Variants in ARB2A observed in about 807,000 individuals in gnomAD.
ARB2A encodes the protein cotranscriptional regulator ARB2A.
the ARB2A span, among the ~76,000 whole-genome samples, chr5:93,981,897 T>C: frequency 6.6e-6 from 1 of 152,040 alleles, no homozygotes; most frequent in Non-Finnish European, 1.5e-5. Flanking sequence ...AAAGAAGCAC[T>C]GAAAAAAATA....
At chr5:93,768,148 G>A in the ARB2A span, among the ~76,000 whole-genome samples, 1 of 151,776 alleles carries the variant, frequency 6.6e-6, no homozygotes, top group Non-Finnish European at 1.5e-5. Context: ...GCTAAGGTAT[G>A]AGGACGTAAT....
the ARB2A span, among the ~76,000 whole-genome samples, chr5:93,671,264 G>A: frequency 6.6e-6 from 1 of 152,000 alleles, no homozygotes; most frequent in Non-Finnish European, 1.5e-5. Context: ...TGTCAATAAT[G>A]ATTTTACCAT....
chr5:93,781,942 G>A, the ARB2A span: 1 of 984,896 alleles, frequency 1.0e-6, no homozygotes. Context: ...ATTTCAAGGA[G>A]TCTTGCAGAG....
At chr5:93,739,146 A>T in the ARB2A span, 1 of 152,174 alleles carries the variant, frequency 6.6e-6, no homozygotes, top group Non-Finnish European at 1.5e-5. Context: ...GATTACAGGC[A>T]TGAGCCACCA....
the ARB2A span, among the ~76,000 whole-genome samples, chr5:93,980,148 T>C: frequency 6.6e-6 from 1 of 152,202 alleles, no homozygotes; most frequent in African/African-American, 2.4e-5. Flanking sequence ...TTTCTTCTTA[T>C]TAATTCAGTT....
At chr5:93,859,827 G>A in the ARB2A span, among the ~76,000 whole-genome samples, 1 of 152,192 alleles carries the variant, frequency 6.6e-6, no homozygotes, top group Admixed American at 6.5e-5. Context: ...TTTGAGAAGG[G>A]TGTGAAACAA....
the ARB2A span, among the ~76,000 whole-genome samples, chr5:93,801,679 C>G: frequency 6.6e-6 from 1 of 152,106 alleles, no homozygotes; most frequent in East Asian, 1.9e-4. Context: ...TGCACACACA[C>G]TGTACACAGA....
chr5:93,972,643 T>C, the ARB2A span, among the ~76,000 whole-genome samples: 2 of 152,132 alleles, frequency 1.3e-5, no homozygotes, highest in African/African-American at 4.8e-5. Context: ...ATTCAGAATA[T>C]GGGTGGCAAA....
At chr5:94,013,351 T>A in the ARB2A span, among the ~76,000 whole-genome samples, 5 of 152,096 alleles carry the variant, frequency 3.3e-5, no homozygotes, top group East Asian at 9.7e-4. Context: ...CTAATTTTTG[T>A]AATTTTAGTA....
the ARB2A span, among the ~76,000 whole-genome samples, chr5:93,993,310 A>C: frequency 1.3e-5 from 2 of 152,066 alleles, no homozygotes; most frequent in African/African-American, 4.8e-5. Context: ...TCCCTATCTC[A>C]GCATGTTTCC....
the ARB2A span, among the ~76,000 whole-genome samples, chr5:93,781,605 T>A: frequency 1.3e-5 from 2 of 152,006 alleles, no homozygotes; most frequent in African/African-American, 4.8e-5. Context: ...CTTTGAGAAA[T>A]CTCCATACTG....
At chr5:93,930,376 A>AGTAAGAGTTGCACTCTCGTGT in the ARB2A span, among the ~76,000 whole-genome samples, 4 of 152,238 alleles carry the variant, frequency 2.6e-5, no homozygotes, top group Admixed American at 2.0e-4. Context: ...CTTATCCAGC[A>AGTAAGAGTTGCACTCTCGTGT]GTAAGAGTTG....
the ARB2A span, among the ~76,000 whole-genome samples, chr5:93,670,854 A>T: frequency 6.6e-6 from 1 of 152,228 alleles, no homozygotes; most frequent in Non-Finnish European, 1.5e-5. Flanking sequence ...ACAATGCTGA[A>T]ATGTTCCAAA....
At chr5:93,936,336 A>C in the ARB2A span, among the ~76,000 whole-genome samples, 1 of 152,180 alleles carries the variant, frequency 6.6e-6, no homozygotes, top group Non-Finnish European at 1.5e-5. Flanking sequence ...AGATTATGGA[A>C]GTCTATGCAG....
At chr5:93,646,887 C>G in the ARB2A span, among the ~76,000 whole-genome samples, 1 of 151,974 alleles carries the variant, frequency 6.6e-6, no homozygotes, top group African/African-American at 2.4e-5. Context: ...ATAATAGTTA[C>G]CACTTGAACA....
At chr5:94,054,971 T>C in the ARB2A span, among the ~76,000 whole-genome samples, 1 of 152,184 alleles carries the variant, frequency 6.6e-6, no homozygotes, top group African/African-American at 2.4e-5. Flanking sequence ...TTGCTTTTCA[T>C]GCACTTCCTT....
chr5:93,740,723 C>T, the ARB2A span: 2 of 1,613,210 alleles, frequency 1.2e-6, no homozygotes, highest in Middle Eastern at 1.7e-4. Context: ...GGAGGCCCGG[C>T]TGTCCCCACA....
At chr5:93,893,622 G>A in the ARB2A span, among the ~76,000 whole-genome samples, 1 of 152,234 alleles carries the variant, frequency 6.6e-6, no homozygotes, top group South Asian at 2.1e-4. Context: ...TGTAGTAAGT[G>A]ATTATAATAA....
chr5:93,725,157 C>T, the ARB2A span, among the ~76,000 whole-genome samples: 2 of 151,882 alleles, frequency 1.3e-5, no homozygotes, highest in Non-Finnish European at 2.9e-5. Context: ...AGTAACTGAA[C>T]CTGTGGAAAG....
Sources: gnomAD v4.1 joint callset for allele counts (sites outside exome capture counted in the v4.1 genomes callset) on GRCh38, gnomAD v4.1.1 for gene constraint, MANE v1.5 for transcripts, NCBI Gene and HGNC (gene_info 2026-07-23, HGNC 2026-07-21) for gene names.